The following C8orf74 variants were observed in gnomAD, a reference collection of about 807,000 sequenced individuals.
C8orf74 encodes uncharacterized protein C8orf74.
In C8orf74, 29 loss-of-function variants were observed where a neutral mutation model predicts 22.2. That is an observed-to-expected ratio of 1.31 (90% CI 0.97 to 1.78). The LOEUF is 1.78. C8orf74 is among the 40% of genes most tolerant of loss of function. The probability of loss-of-function intolerance (pLI) is 0.00; values close to 1 mark genes in which losing one functional copy is unlikely to be tolerated. For synonymous variants in C8orf74, 255 were observed against 163.1 expected (o/e 1.56, Z -4.30); for missense variants, 515 against 369.9 (o/e 1.39, Z -3.22).
intron 2 of C8orf74, among the ~76,000 whole-genome samples, chr8:10,683,003 T>C (rs1302892113): frequency 2.0e-5 from 3 of 152,248 alleles, no homozygotes; most frequent in African/African-American, 7.2e-5. Flanking sequence ...TGTTGGGATT[T>C]GAACCCAGGT....
At chr8:10,685,694 T>C (rs1435818284) in intron 2 of C8orf74, among the ~76,000 whole-genome samples, 1 of 152,142 alleles carries the variant, frequency 6.6e-6, no homozygotes, top group African/African-American at 2.4e-5. Context: ...TTTGGGATGA[T>C]AAGAAAGCTC....
intron 2 of C8orf74, among the ~76,000 whole-genome samples, chr8:10,690,405 C>G (rs1171413690): frequency 6.6e-6 from 1 of 152,070 alleles, no homozygotes; most frequent in Non-Finnish European, 1.5e-5. Flanking sequence ...ACAAAGGGGG[C>G]AGGGGGCAAT....
intron 2 of C8orf74, among the ~76,000 whole-genome samples, chr8:10,693,405 T>C (rs750901573): frequency 6.6e-6 from 1 of 152,170 alleles, no homozygotes; most frequent in Non-Finnish European, 1.5e-5. Context: ...GATATCTGTG[T>C]GTTTCCTCCC....
rs548899271 is a variant in C8orf74, at chr8:10,697,284, A to T, written c.242-315A>T. 2.6e-5 allele frequency among the ~76,000 whole-genome samples: 4 copies of T among 151,970 alleles called. No individual in the cohort carries two copies. The East Asian group carries it at 7.8e-4, about 30-fold the overall frequency. On this transcript the variant is annotated intron_variant, in intron 2 of 3. Coordinates refer to ENST00000304519, the MANE Select transcript of C8orf74 (RefSeq NM_001040032.2). ...CCTCATCTCCACAAAACATAAACAA[A>T]ATTAGTCAGGTTTGGTAGCATGTAC...
intron 3 of C8orf74, among the ~76,000 whole-genome samples, chr8:10,699,527 G>A (rs770928287): frequency 6.6e-6 from 1 of 152,236 alleles, no homozygotes; most frequent in Non-Finnish European, 1.5e-5. Context: ...ATGCTGTGTG[G>A]TTGCTCGGGC....
intron 2 of C8orf74, among the ~76,000 whole-genome samples, chr8:10,683,027 G>C (rs1215980457): frequency 6.6e-6 from 1 of 152,384 alleles, no homozygotes; most frequent in Non-Finnish European, 1.5e-5. Flanking sequence ...CATCCACCCA[G>C]CTGAGTGACT....
chr8:10,687,329 T>C, intron 2 of C8orf74: 1 of 317,686 alleles, frequency 3.1e-6, no homozygotes, highest in Non-Finnish European at 6.3e-6. Context: ...GCAATGGTTT[T>C]TATTAAAAGT....
chr8:10,676,257 A>C (rs554408585), intron 2 of C8orf74, among the ~76,000 whole-genome samples: 23 of 152,064 alleles, frequency 1.5e-4, no homozygotes, highest in Non-Finnish European at 2.5e-4. Flanking sequence ...GTAGCTGCCA[A>C]TCACACAGGC....
intron 2 of C8orf74, among the ~76,000 whole-genome samples, chr8:10,693,786 C>G (rs571157639): frequency 6.6e-6 from 1 of 152,188 alleles, no homozygotes; most frequent in African/African-American, 2.4e-5. Context: ...ACCCTACGTC[C>G]GAGGACGGCC....
chr8:10,678,203 G>C (rs376877623), intron 2 of C8orf74, among the ~76,000 whole-genome samples: 20 of 152,172 alleles, frequency 1.3e-4, no homozygotes, highest in African/African-American at 4.8e-4. Context: ...CCTTTACTGG[G>C]TGCGTGGTCT....
chr8:10,695,655 G>C (rs1335683088), intron 2 of C8orf74, among the ~76,000 whole-genome samples: 5 of 152,208 alleles, frequency 3.3e-5, no homozygotes, highest in African/African-American at 9.6e-5. Flanking sequence ...GAAGGGAATG[G>C]GGGGTGGGGA....
intron 3 of C8orf74, among the ~76,000 whole-genome samples, 193 bp from the exon 4 acceptor site, chr8:10,700,042 C>T (rs1799619319): frequency 6.6e-6 from 1 of 152,184 alleles, no homozygotes; most frequent in African/African-American, 2.4e-5. Flanking sequence ...GAGGACCTCC[C>T]CACCCTCAGA....
intron 1 of C8orf74, among the ~76,000 whole-genome samples, chr8:10,673,276 C>T (rs1347363066): frequency 6.6e-6 from 1 of 152,096 alleles, no homozygotes; most frequent in African/African-American, 2.4e-5. Flanking sequence ...TTTGCCACTT[C>T]CTTTAAGTGG....
chr8:10,674,941 A>T, intron 2 of C8orf74, 103 bp downstream of exon 2: 1 of 986,560 alleles, frequency 1.0e-6, no homozygotes, highest in Non-Finnish European at 1.5e-6. Context: ...TGGAGGAGCC[A>T]GGGCCCCTTC....
In C8orf74 at chr8:10,697,653, G is replaced by C. The variant is rs756051959; in HGVS notation, c.296G>C (p.Arg99Pro). ...TILGNKLRDYRGHFNTTHLLA... is the reference protein window; with the variant it reads ...TILGNKLRDYPGHFNTTHLLA... ...CTGGGGAACAAGCTTAGAGATTACCGGGGCCATTTCAACACCACCCACCTG... is the reference window on the plus strand; with the variant it reads ...CTGGGGAACAAGCTTAGAGATTACCCGGGCCATTTCAACACCACCCACCTG... The change falls in exon 3 of 4, where the codon CGG becomes CCG. Residue 99 changes from arginine to proline, a missense_variant. By Grantham distance (103) the Arg-to-Pro change is moderately radical. Coordinates refer to ENST00000304519, the MANE Select transcript of C8orf74 (RefSeq NM_001040032.2). The C allele has an allele frequency of 1.9e-6, 3 of 1,613,766 alleles. No individual in the cohort carries two copies. The highest frequency in any genetic ancestry group is 2.7e-5 in the African/African-American group (2 of 74,912).
At chr8:10,690,305 G>A (rs1799348465) in intron 2 of C8orf74, among the ~76,000 whole-genome samples, 2 of 152,200 alleles carry the variant, frequency 1.3e-5, no homozygotes, top group African/African-American at 4.8e-5. Context: ...GGCACAAGGC[G>A]GTGGGTGCTC....
intron 2 of C8orf74, among the ~76,000 whole-genome samples, chr8:10,694,632 C>T (rs935653897): frequency 6.6e-6 from 1 of 152,170 alleles, no homozygotes. Context: ...GATATTTAAC[C>T]TTTTATTTGT....
At chr8:10,696,027 C>T (rs1041970668) in intron 2 of C8orf74, among the ~76,000 whole-genome samples, 12 of 152,178 alleles carry the variant, frequency 7.9e-5, no homozygotes, top group African/African-American at 2.9e-4. Flanking sequence ...GAACCCAGGT[C>T]TCCACGCCTG....
chr8:10,695,043 A>G (rs928862525), intron 2 of C8orf74, among the ~76,000 whole-genome samples: 1 of 151,802 alleles, frequency 6.6e-6, no homozygotes, highest in Non-Finnish European at 1.5e-5. Context: ...GGATGAATGG[A>G]AAGATGGACA....
Sources: gnomAD v4.1 joint callset for allele counts (sites outside exome capture counted in the v4.1 genomes callset) on GRCh38, gnomAD v4.1.1 for gene constraint, MANE v1.5 for transcripts, NCBI Gene and HGNC (gene_info 2026-07-23, HGNC 2026-07-21) for gene names.